NEB: variants seen among roughly 807,000 people sequenced by gnomAD.
NEB encodes nebulin.
Under a neutral mutation model 952.2 loss-of-function variants are expected in NEB, and 512 were observed. That is an observed-to-expected ratio of 0.54 (90% CI 0.50 to 0.58). The LOEUF (loss-of-function observed/expected upper bound fraction) is 0.58. Among genes scored for constraint, NEB ranks in the 20% least tolerant of loss-of-function variants. NEB has a pLI of 0.00. For synonymous variants in NEB, 2,900 were observed against 3,149.8 expected (o/e 0.92, Z 2.66); for missense variants, 8,428 against 9,231.1 (o/e 0.91, Z 3.56).
intron 12 of NEB, among the ~76,000 whole-genome samples, chr2:151,708,541 C>T (rs6749823): frequency 0.85 from 129,728 of 152,088 alleles, 56,223 homozygotes; most frequent in Middle Eastern, 0.94. Context: ...GACCCCAGAG[C>T]TCAGCCCCTA....
chr2:151,541,731 TTGTGTCAAAACAAGAGACATTCTCTAGCC>T (rs1462544518), intron 135 of NEB, among the ~76,000 whole-genome samples, 180 bp from the exon 136 acceptor site: 1 of 152,188 alleles, frequency 6.6e-6, no homozygotes, highest in Non-Finnish European at 1.5e-5. Context: ...CTTTTTTCCC[TTGTGTCAAAACAAGAGACATTCTCTAGCC>T]TGTCCAAAAT....
At chr2:151,605,066 G>A (rs1311048999) in intron 84 of NEB, among the ~76,000 whole-genome samples, 195 bp from the exon 85 acceptor site, 3 of 132,894 alleles carry the variant, frequency 2.3e-5, no homozygotes, top group African/African-American at 8.3e-5. Flanking sequence ...GAGGACATGA[G>A]TAAATCAGGA....
At position 151,567,186 on chromosome 2, in the gene NEB, G is replaced by A. The variant is rs2096445361; in HGVS notation, c.18138C>T (p.Ala6046=). 6.2e-7 allele frequency: 1 copy of A among 1,607,334 alleles called. No individual in the cohort carries two copies. Among genetic ancestry groups the A allele is most frequent in the Non-Finnish European group, 8.5e-7 (1 of 1,175,670 alleles). Residue 6046 remains alanine, a synonymous_variant, in exon 114 of 182, where the codon GCC becomes GCT. Transcript: ENST00000397345. ...DQNDVIQARK[A]YDLQSDNVYR... ...CACTTACATCACTCTGTAGGTCATA[G>A]GCCTTTCTTGCCTGAATAACATCGT...
intron 38 of NEB, among the ~76,000 whole-genome samples, chr2:151,670,500 G>A (rs987474224): frequency 6.9e-6 from 1 of 144,194 alleles, no homozygotes; most frequent in Non-Finnish European, 1.5e-5. Flanking sequence ...ATGAGTCCAC[G>A]GTGTAAGAGT....
In NEB at chr2:151,540,433, G is replaced by T; in HGVS notation, c.20803C>A (p.Gln6935Lys). The T allele has an allele frequency of 6.4e-7, 1 of 1,564,420 alleles. No individual in the cohort carries two copies. The highest frequency in any genetic ancestry group is 8.7e-7 in the Non-Finnish European group (1 of 1,152,252). The change falls in exon 138 of 182, where the codon CAA becomes AAA. Residue 6935 changes from glutamine (Q) to lysine (K), a missense_variant. Transcript: ENST00000397345. ...TACTTGTCTTTCATCTTTTCATATT[G>T]AATCTTGTACTTTTTCTGAGAAATA... ...DMVSEKKYKI[Q>K]YEKMKDKYTP...
intron 107 of NEB, among the ~76,000 whole-genome samples, chr2:151,574,045 C>T (rs1437892267): frequency 6.6e-6 from 1 of 152,144 alleles, no homozygotes; most frequent in African/African-American, 2.4e-5. Context: ...GTGATCTCGG[C>T]TTACTGCTAG....
chr2:151,573,590 A>G (rs2096722120), intron 107 of NEB, among the ~76,000 whole-genome samples: 1 of 152,236 alleles, frequency 6.6e-6, no homozygotes, highest in Admixed American at 6.5e-5. Context: ...CAAGTGGCTC[A>G]TTATACCAGA....
At chr2:151,652,416 A>G (rs978569640) in intron 52 of NEB, among the ~76,000 whole-genome samples, 1 of 151,942 alleles carries the variant, frequency 6.6e-6, no homozygotes, top group African/African-American at 2.4e-5. Context: ...GTAAAGAAAG[A>G]GTCTCACTAC....
Position 151,663,708 on chromosome 2 carries a change from G to T in NEB, c.5603C>A (p.Ser1868Tyr). Reference protein sequence around the residue: ...YKKGYEKSKTSFHTPVDMLSV... With the variant: ...YKKGYEKSKTYFHTPVDMLSV... ...GAGCATGTCCACCGGGGTGTGGAAG[G>T]AGGTCTTGGATTTCTCATATCCCTT... The change falls in exon 45 of 182, where the codon TCC becomes TAC. Residue 1868 changes from serine (S) to tyrosine (Y), a missense_variant. Ser to Tyr is a moderately radical substitution (Grantham distance 144, BLOSUM62 -2). This residue lies in a region of NEB where 2,851 missense variants were observed against 2,791.5 expected (regional missense o/e 1.02). Transcript: ENST00000397345. The T allele has an allele frequency of 6.2e-7, 1 of 1,613,790 alleles. No individual in the cohort carries two copies. The highest frequency in any genetic ancestry group is 1.1e-5 in the South Asian group (1 of 91,080).
chr2:151,490,244 A>G, intron 180 of NEB, 128 bp downstream of exon 180: 9 of 1,258,328 alleles, frequency 7.2e-6, no homozygotes, highest in Middle Eastern at 4.4e-4. Context: ...CCACAATTCT[A>G]GTCTTTTCTC....
intron 8 of NEB, among the ~76,000 whole-genome samples, chr2:151,723,765 T>G (rs2099782402): frequency 6.7e-6 from 1 of 149,056 alleles, no homozygotes; most frequent in Non-Finnish European, 1.5e-5. Context: ...TTTTTTTTTT[T>G]TTTTTTTTTG....
At chr2:151,722,398 G>C (rs897269776) in intron 9 of NEB, among the ~76,000 whole-genome samples, 11 of 152,182 alleles carry the variant, frequency 7.2e-5, no homozygotes, top group Non-Finnish European at 1.3e-4. Context: ...CTAACATACA[G>C]TTTTCAAGGT....
At chr2:151,543,293 A>G (rs2094312045) in intron 135 of NEB, among the ~76,000 whole-genome samples, 1 of 152,260 alleles carries the variant, frequency 6.6e-6, no homozygotes, top group Admixed American at 6.5e-5. Context: ...TTGAACAGAT[A>G]AAACGTAAGA....
At position 151,733,041 on chromosome 2, in the gene NEB, G is replaced by A. The variant is rs567022787; in HGVS notation, c.36+80C>T. ...AGTTATAATAGACAATGTATTTTTCGAATGATTAATTCACCTACACAGCTT... is the reference window on the plus strand; with the variant it reads ...AGTTATAATAGACAATGTATTTTTCAAATGATTAATTCACCTACACAGCTT... On this transcript the variant is annotated intron_variant, in intron 3 of 181. Coordinates refer to ENST00000397345, the MANE Select transcript of NEB (RefSeq NM_001164508.2). The A allele has an allele frequency of 2.7e-5, 35 of 1,282,158 alleles. No individual in the cohort carries two copies. In the African/African-American group the frequency reaches 3.5e-4, roughly 13 times the overall value. The allele number at this position is 1,282,158 out of a possible 1,614,324, so 79.4% of individuals were successfully genotyped here. A position where few individuals can be genotyped will look rare whatever the true frequency, so the allele number is the denominator to read the frequency against.
At chr2:151,642,287 A>T (rs1342911510) in intron 60 of NEB, among the ~76,000 whole-genome samples, 1 of 152,238 alleles carries the variant, frequency 6.6e-6, no homozygotes, top group Non-Finnish European at 1.5e-5. Context: ...GAGATACATC[A>T]TTGGAAAAGC....
intron 10 of NEB, among the ~76,000 whole-genome samples, chr2:151,714,571 C>T (rs2099754091): frequency 6.6e-6 from 1 of 152,106 alleles, no homozygotes; most frequent in Admixed American, 6.5e-5. Context: ...TATGCCTTTT[C>T]TCCAATTAAT....
At chr2:151,619,175 C>T (rs554540673) in intron 73 of NEB, among the ~76,000 whole-genome samples, 79 of 152,246 alleles carry the variant, frequency 5.2e-4, no homozygotes, top group African/African-American at 1.9e-3. Context: ...TTTTTAAGGG[C>T]TAAGTTTCAT....
chr2:151,642,743 G>A lies in NEB; in HGVS notation c.8265+22C>T, dbSNP rs776098077. ...GTGCATTGTAAGGAAAATGTATCAC[G>A]CACTATGAATATATTACTTACCTCA... On this transcript the variant is annotated intron_variant, in intron 59 of 181. Coordinates refer to ENST00000397345, the MANE Select transcript of NEB (RefSeq NM_001164508.2). 1.1e-5 allele frequency: 17 copies of A among 1,601,294 alleles called. No individual in the cohort carries two copies. The East Asian group carries it at 2.2e-4, about 21-fold the overall frequency.
At position 151,563,699 on chromosome 2, in the gene NEB, A is replaced by G. The variant is rs1577711346; in HGVS notation, c.18600T>C (p.Tyr6200=). 6.2e-7 allele frequency: 1 copy of G among 1,613,734 alleles called. No individual in the cohort carries two copies. The highest frequency in any genetic ancestry group is 8.5e-7 in the Non-Finnish European group (1 of 1,179,684). The change falls in exon 119 of 182, where the codon TAT becomes TAC. Residue 6200 remains tyrosine, a synonymous_variant. Transcript: ENST00000397345. ...CCAGGTAGTGACCTTTCTGCTTCTC[A>G]TATGTCTCTTTGTATTTAAGCTGTA... ...VNSELKYKET[Y]EKQKGHYLAG...
Sources: allele counts gnomAD v4.1 joint callset (sites outside exome capture counted in the v4.1 genomes callset), GRCh38; gene constraint gnomAD v4.1.1; regional missense constraint gnomAD v4.1.1; transcripts MANE v1.5; gene names NCBI Gene and HGNC (gene_info 2026-07-23, HGNC 2026-07-21).